ITPK1: variants seen among roughly 807,000 people sequenced by gnomAD.
ITPK1 encodes the protein inositol-tetrakisphosphate 1-kinase, also known as inositol 1,3,4-trisphosphate 5/6-kinase.
A neutral mutation model predicts 45.3 loss-of-function variants in ITPK1; 21 were observed. The observed-to-expected ratio is 0.46, with a 90% CI of 0.33 to 0.67. The LOEUF is 0.67. ITPK1 is among the 30% of genes least tolerant of loss of function. ITPK1 has a pLI of 0.02. For synonymous variants in ITPK1, 258 were observed against 253.6 expected (o/e 1.02, Z -0.16); for missense variants, 474 against 573.5 (o/e 0.83, Z 1.77).
At chr14:93,033,048 G>A (rs916765141) in intron 3 of ITPK1, among the ~76,000 whole-genome samples, 4 of 152,188 alleles carry the variant, frequency 2.6e-5, no homozygotes, top group Non-Finnish European at 5.9e-5. Flanking sequence ...GCCCTGCCAG[G>A]GCTTGGGAAA....
intron 5 of ITPK1, among the ~76,000 whole-genome samples, chr14:92,967,236 T>C (rs1396335313): frequency 6.6e-6 from 1 of 152,134 alleles, no homozygotes; most frequent in Admixed American, 6.5e-5. Flanking sequence ...AACTGAACAA[T>C]TAAAAAGATA....
At chr14:93,107,561 G>A (rs955142726) in intron 2 of ITPK1, among the ~76,000 whole-genome samples, 5 of 152,158 alleles carry the variant, frequency 3.3e-5, no homozygotes, top group African/African-American at 1.2e-4. Context: ...GAGTCTGCAG[G>A]TGGCCTCTGC....
rs772886151 is a variant in ITPK1, at chr14:92,938,524, C to T, written c.*3037G>A. On this transcript the variant is annotated 3_prime_UTR_variant, in exon 11 of 11. Coordinates refer to ENST00000267615, the MANE Select transcript of ITPK1 (RefSeq NM_014216.6). ...CCTTCTATAAAGCACACTTGGCAGTCCCCTGGGTACAGAGAGGAATGTTTT... is the reference window on the plus strand; with the variant it reads ...CCTTCTATAAAGCACACTTGGCAGTTCCCTGGGTACAGAGAGGAATGTTTT... 4 of 1,612,072 alleles carry T rather than the reference C, an allele frequency of 2.5e-6. No homozygotes were observed. The South Asian group carries it at 4.4e-5, about 18-fold the overall frequency.
At chr14:93,092,152 T>C (rs967922274) in intron 2 of ITPK1, among the ~76,000 whole-genome samples, 2 of 152,110 alleles carry the variant, frequency 1.3e-5, no homozygotes, top group African/African-American at 4.8e-5. Context: ...ATTAACACAC[T>C]GTCACCAGGC....
intron 5 of ITPK1, among the ~76,000 whole-genome samples, chr14:92,966,682 A>G (rs897579379): frequency 6.6e-6 from 1 of 152,378 alleles, no homozygotes; most frequent in East Asian, 1.9e-4. Context: ...ACACTTCCTC[A>G]ATACGAAACT....
At position 92,941,373 on chromosome 14, in the gene ITPK1, C is replaced by G. The variant is rs1887384095; in HGVS notation, c.*188G>C. 2 of 1,416,470 alleles carry G rather than the reference C, an allele frequency of 1.4e-6. No homozygotes were observed. Among genetic ancestry groups the G allele is most frequent in the Non-Finnish European group, 1.8e-6 (2 of 1,092,948 alleles). 87.7% of individuals were successfully genotyped at this position (1,416,470 alleles called of 1,614,324 possible). On this transcript the variant is annotated 3_prime_UTR_variant, in exon 11 of 11. Transcript: ENST00000267615. ...GGCCCCACTCCCCAACGGTGGACCACCTGGTACTCTCTTCCATCCCCCACT... is the reference window on the plus strand; with the variant it reads ...GGCCCCACTCCCCAACGGTGGACCAGCTGGTACTCTCTTCCATCCCCCACT...
chr14:93,014,491 C>T lies in ITPK1; in HGVS notation c.246+2185G>A, dbSNP rs1037272189. 2.0e-5 allele frequency among the ~76,000 whole-genome samples: 3 copies of T among 152,162 alleles called. No individual in the cohort carries two copies. Among genetic ancestry groups the T allele is most frequent in the Admixed American group, 1.3e-4 (2 of 15,284 alleles). ...ACCGTGTGGGTGTGATGAAGTGGCA[C>T]TCAGCTACAATGGGCACTTTACACC... is the stretch of plus-strand genomic sequence containing the variant. On this transcript the variant is annotated intron_variant, in intron 4 of 10. Transcript: ENST00000267615. This position sits in a 1 kb window ranked among gnomAD's most constrained non-coding sequence, Gnocchi z 4.4.
At chr14:93,041,868 T>A (rs1449244989) in intron 3 of ITPK1, among the ~76,000 whole-genome samples, 2 of 151,594 alleles carry the variant, frequency 1.3e-5, no homozygotes, top group African/African-American at 2.4e-5. Context: ...TCAGAGGGGG[T>A]TCAGATGCTA....
chr14:92,991,544 TA>T (rs548229413), intron 5 of ITPK1, among the ~76,000 whole-genome samples: 27 of 152,236 alleles, frequency 1.8e-4, no homozygotes, highest in African/African-American at 6.0e-4. Context: ...GGGTAGCTCC[TA>T]AACTTTCTAA....
At chr14:93,048,008 T>G (rs1889854153) in intron 3 of ITPK1, among the ~76,000 whole-genome samples, 2 of 152,266 alleles carry the variant, frequency 1.3e-5, no homozygotes, top group Non-Finnish European at 1.5e-5. Context: ...CTGGACCTTC[T>G]GAGACATTCA....
At chr14:92,962,320 G>C in intron 7 of ITPK1, 35 bp downstream of exon 7, 1 of 1,522,608 alleles carries the variant, frequency 6.6e-7, no homozygotes, top group Non-Finnish European at 9.1e-7. Flanking sequence ...AAAGGATGGG[G>C]GTCAGGGACA....
chr14:93,025,041 A>G (rs1595147508), intron 3 of ITPK1, among the ~76,000 whole-genome samples: 2 of 152,348 alleles, frequency 1.3e-5, no homozygotes, highest in African/African-American at 2.4e-5. Context: ...CCAGGAGAAC[A>G]GGACAATTCT....
intron 5 of ITPK1, among the ~76,000 whole-genome samples, chr14:92,965,861 G>A (rs562126477): frequency 6.6e-6 from 1 of 152,244 alleles, no homozygotes; most frequent in African/African-American, 2.4e-5. Context: ...AAATTAGCCA[G>A]GCGTGGTGGT....
At chr14:93,102,747 G>C (rs1892370013) in intron 2 of ITPK1, among the ~76,000 whole-genome samples, 1 of 152,270 alleles carries the variant, frequency 6.6e-6, no homozygotes, top group Non-Finnish European at 1.5e-5. Flanking sequence ...ATCAAGCTCA[G>C]GAGTTACAGC....
intron 3 of ITPK1, among the ~76,000 whole-genome samples, chr14:93,054,349 C>T (rs553924668): frequency 2.1e-4 from 32 of 152,324 alleles, no homozygotes; most frequent in African/African-American, 6.0e-4. Flanking sequence ...TGGAAAACAG[C>T]ATCCAGACAA....
chr14:93,045,608 T>C (rs912003038), intron 3 of ITPK1, among the ~76,000 whole-genome samples: 1 of 152,064 alleles, frequency 6.6e-6, no homozygotes, highest in Admixed American at 6.6e-5. Flanking sequence ...TGCGCTATGA[T>C]TGCATCTGTG....
intron 2 of ITPK1, among the ~76,000 whole-genome samples, chr14:93,096,236 T>C (rs1045493951): frequency 2.6e-5 from 4 of 152,184 alleles, no homozygotes; most frequent in Admixed American, 6.5e-5. Context: ...TGCGACTGAC[T>C]CCTTTCTGAC....
chr14:93,004,617 AGTGT>A (rs151074140), intron 4 of ITPK1, among the ~76,000 whole-genome samples: 1 of 151,084 alleles, frequency 6.6e-6, no homozygotes, highest in Non-Finnish European at 1.5e-5. Context: ...AGAGCATATG[AGTGT>A]GTGTGTGTGC....
intron 3 of ITPK1, among the ~76,000 whole-genome samples, chr14:93,056,832 T>A (rs926313594): frequency 6.6e-6 from 1 of 152,206 alleles, no homozygotes; most frequent in South Asian, 2.1e-4. Context: ...TTATGAGAAA[T>A]TAAAAATTCA....
Sources: allele counts gnomAD v4.1 joint callset (sites outside exome capture counted in the v4.1 genomes callset), GRCh38; gene constraint gnomAD v4.1.1; non-coding constraint Gnocchi (gnomAD v3.1); transcripts MANE v1.5; gene names NCBI Gene and HGNC (gene_info 2026-07-23, HGNC 2026-07-21).